Variants in GPRC5A observed in about 807,000 individuals in gnomAD.
GPRC5A encodes G protein-coupled receptor class C group 5 member A, also known as retinoic acid-induced protein 3.
In GPRC5A, 19 loss-of-function variants were observed where a neutral mutation model predicts 22.5. That is an observed-to-expected ratio of 0.85 (90% confidence interval 0.59 to 1.24). The LOEUF (loss-of-function observed/expected upper bound fraction) is 1.24, where lower values mean the gene tolerates loss of function less well. Among genes scored for constraint, GPRC5A ranks in the 50% most tolerant of loss-of-function variants. GPRC5A has a pLI of 0.00. For synonymous variants in GPRC5A, 192 were observed against 184.5 expected (o/e 1.04, Z -0.33); for missense variants, 471 against 451.1 (o/e 1.04, Z -0.40).
At chr12:12,906,255 G>A (rs1262676529) in intron 1 of GPRC5A, among the ~76,000 whole-genome samples, 4 of 152,272 alleles carry the variant, frequency 2.6e-5, no homozygotes, top group Non-Finnish European at 5.9e-5. Context: ...AGTAAGTAAT[G>A]TATATATAGA....
rs760338851 is a variant in GPRC5A at position 12,915,937 on chromosome 12, T to C, written c.*3398T>C. The stretch of plus-strand genomic sequence containing the variant: ...TTGCTGCTCATTTGAGCAGTACCTG[T>C]CACCCCTCCTCCCACTGCTGCGGCT... On this transcript the variant is annotated 3_prime_UTR_variant, in exon 4 of 4. Coordinates refer to ENST00000014914, the MANE Select transcript of GPRC5A (RefSeq NM_003979.4). The C allele has an allele frequency of 8.0e-6, 4 of 499,290 alleles. No homozygotes were observed. In the Admixed American group the frequency reaches 8.3e-5, roughly 10 times the overall value. The allele number at this position is 499,290 out of a possible 1,614,324, so 30.9% of individuals were successfully genotyped here. A position where few individuals can be genotyped will look rare whatever the true frequency, so the allele number is the denominator to read the frequency against.
intron 1 of GPRC5A, among the ~76,000 whole-genome samples, chr12:12,902,819 G>A (rs1863903174): frequency 6.6e-6 from 1 of 152,148 alleles, no homozygotes; most frequent in Non-Finnish European, 1.5e-5. Context: ...TGTAATCCCA[G>A]CACTTTGGGA....
chr12:12,894,980 G>A lies in GPRC5A; in HGVS notation c.-8+3316G>A, dbSNP rs945147748. On this transcript the variant is annotated intron_variant, in intron 1 of 3. Coordinates refer to ENST00000014914, the MANE Select transcript of GPRC5A (RefSeq NM_003979.4). ...TTTTTAGCAGAGACAGGGTTTCACC[G>A]TGTTAGCCAGGATGGTCTTGATCTC... Among the ~76,000 whole-genome samples the A allele has an allele frequency of 1.5e-4, 23 of 151,800 alleles. No individual in the cohort carries two copies. The East Asian group carries it at 1.9e-3, about 13-fold the overall frequency.
rs753967000 is a variant in GPRC5A, at chr12:12,912,150, A to G, written c.981+8A>G. The G allele has an allele frequency of 7.5e-6, 12 of 1,596,862 alleles. No individual in the cohort carries two copies. Among genetic ancestry groups the G allele is most frequent in the Non-Finnish European group, 1.0e-5 (12 of 1,164,404 alleles). ...ACACATTTTCAGCTGCAGGTAAGTG[A>G]TTTTTTTCTCCCTCTTCATCAAAGG... On this transcript the variant is annotated splice_region_variant and intron_variant, in intron 3 of 3. Coordinates refer to ENST00000014914, the MANE Select transcript of GPRC5A (RefSeq NM_003979.4).
intron 1 of GPRC5A, among the ~76,000 whole-genome samples, chr12:12,896,188 G>A (rs985898249): frequency 2.6e-5 from 4 of 151,942 alleles, no homozygotes; most frequent in Admixed American, 1.3e-4. Context: ...TACATGTTTC[G>A]TTTAGAGTAA....
In GPRC5A at chr12:12,908,561, C is replaced by T. The variant is rs746671084; in HGVS notation, c.312C>T (p.Leu104=). The change falls in exon 2 of 4, where the codon CTC becomes CTT. Residue 104 remains leucine (L), a synonymous_variant. Transcript: ENST00000014914. ...GPTRFFLFGI[L]FSICFSCLLA... is the part of the protein sequence containing the mutation. Reference sequence around the variant, plus strand: ...CACGCTTCTTCCTCTTTGGGATCCTCTTTTCCATCTGCTTCTCCTGCCTGC... The same window carrying T: ...CACGCTTCTTCCTCTTTGGGATCCTTTTTTCCATCTGCTTCTCCTGCCTGC... 4.3e-6 allele frequency: 7 copies of T among 1,614,174 alleles called. No homozygotes were observed. The South Asian group carries it at 6.6e-5, about 15-fold the overall frequency.
rs1426424434 is a variant in GPRC5A, at chr12:12,908,676, C to T, written c.427C>T (p.Leu143=). ...TCTGGGTCTGGCCGTGGGCTTCAGCCTAGTCCAGGATGTTATCGCTATTGA... is the reference window on the plus strand; with the variant it reads ...TCTGGGTCTGGCCGTGGGCTTCAGCTTAGTCCAGGATGTTATCGCTATTGA... ...VILGLAVGFS[L]VQDVIAIEYI... is the part of the protein sequence containing the mutation. Residue 143 remains leucine, a synonymous_variant, in exon 2 of 4, where the codon CTA becomes TTA. Coordinates refer to ENST00000014914, the MANE Select transcript of GPRC5A (RefSeq NM_003979.4). The T allele has an allele frequency of 6.2e-7, 1 of 1,613,980 alleles. No individual in the cohort carries two copies.
At chr12:12,895,013 C>T (rs926121934) in intron 1 of GPRC5A, among the ~76,000 whole-genome samples, 19 of 151,542 alleles carry the variant, frequency 1.3e-4, no homozygotes, top group African/African-American at 3.9e-4. Context: ...CTCCTGACCT[C>T]GTGATCTGCC....
In GPRC5A at chr12:12,912,634, T is replaced by C; in HGVS notation, c.*95T>C. 1.3e-6 allele frequency: 1 copy of C among 762,386 alleles called. No individual in the cohort carries two copies. Among genetic ancestry groups the C allele is most frequent in the South Asian group, 1.4e-5 (1 of 69,056 alleles). 47.2% of individuals were successfully genotyped at this position (762,386 alleles called of 1,614,324 possible). Reference sequence around the variant, plus strand: ...GAAATCTTGAGTCTTCTGAGAAAACTGTACAAGACACTACGGGAACAGTTT... The same window carrying C: ...GAAATCTTGAGTCTTCTGAGAAAACCGTACAAGACACTACGGGAACAGTTT... On this transcript the variant is annotated 3_prime_UTR_variant, in exon 4 of 4. Coordinates refer to ENST00000014914, the MANE Select transcript of GPRC5A (RefSeq NM_003979.4).
In GPRC5A at chr12:12,912,156, TTCTC is replaced by T; in HGVS notation, c.981+15_981+18del. On this transcript the variant is annotated intron_variant, in intron 3 of 3. Coordinates refer to ENST00000014914, the MANE Select transcript of GPRC5A (RefSeq NM_003979.4). ...TTTCAGCTGCAGGTAAGTGATTTTT[TTCTC>T]CCTCTTCATCAAAGGCATTAGCACC... 1 of 1,580,820 alleles carries T rather than the reference TTCTC, an allele frequency of 6.3e-7. No individual in the cohort carries two copies. The highest frequency in any genetic ancestry group is 8.7e-7 in the Non-Finnish European group (1 of 1,149,678).
intron 1 of GPRC5A, among the ~76,000 whole-genome samples, chr12:12,901,457 C>T (rs1187601637): frequency 6.6e-6 from 1 of 152,134 alleles, no homozygotes; most frequent in Non-Finnish European, 1.5e-5. Context: ...AAACCAGGCA[C>T]AGCCCATCCT....
rs1864043538 is a variant in GPRC5A at position 12,914,614 on chromosome 12, C to CTCTCTCTT, written c.*2078_*2079insCTCTTTCT. 1.7e-5 allele frequency: 2 copies of CTCTCTCTT among 116,368 alleles called. No homozygotes were observed. Among genetic ancestry groups the CTCTCTCTT allele is most frequent in the African/African-American group, 6.6e-5 (2 of 30,528 alleles). 7.2% of individuals were successfully genotyped at this position (116,368 alleles called of 1,614,324 possible). A position where few individuals can be genotyped will look rare whatever the true frequency, so the allele number is the denominator to read the frequency against. On this transcript the variant is annotated 3_prime_UTR_variant, in exon 4 of 4. Coordinates refer to ENST00000014914, the MANE Select transcript of GPRC5A (RefSeq NM_003979.4). ...TTTCTTTCTCTCTCTCTCTCTCTCT[C>CTCTCTCTT]TCTTTCTTTCTTTCTTTTTGAGATA...
rs1279934880 is a variant in GPRC5A, at chr12:12,915,957, G to T, written c.*3418G>T. 1 of 477,040 alleles carries T rather than the reference G, an allele frequency of 2.1e-6. No homozygotes were observed. Among genetic ancestry groups the T allele is most frequent in the Non-Finnish European group, 4.4e-6 (1 of 227,824 alleles). The allele number at this position is 477,040 out of a possible 1,614,324, so 29.6% of individuals were successfully genotyped here. ...ACCTGTCACCCCTCCTCCCACTGCT[G>T]CGGCTGTTAACTCATCTTCAGGTCT... On this transcript the variant is annotated 3_prime_UTR_variant, in exon 4 of 4. Coordinates refer to ENST00000014914, the MANE Select transcript of GPRC5A (RefSeq NM_003979.4).
At position 12,908,589 on chromosome 12, in the gene GPRC5A, G is replaced by A. The variant is rs1468920666; in HGVS notation, c.340G>A (p.Ala114Thr). Residue 114 changes from alanine (A) to threonine (T), a missense_variant, in exon 2 of 4, where the codon GCT (alanine) becomes ACT (threonine). Coordinates refer to ENST00000014914, the MANE Select transcript of GPRC5A (RefSeq NM_003979.4). ...LFSICFSCLL[A>T]HAVSLTKLVR... ...TTCCATCTGCTTCTCCTGCCTGCTG[G>A]CTCATGCTGTCAGTCTGACCAAGCT... The A allele has an allele frequency of 2.3e-5, 37 of 1,613,988 alleles. No individual in the cohort carries two copies. The highest frequency in any genetic ancestry group is 2.8e-5 in the Non-Finnish European group (33 of 1,180,002).
rs949736183 is a variant in GPRC5A, at chr12:12,912,029, G to C, written c.923-55G>C. 2.4e-5 allele frequency: 24 copies of C among 1,007,348 alleles called. No individual in the cohort carries two copies. In the Admixed American group the frequency reaches 2.9e-4, roughly 12 times the overall value. The allele number at this position is 1,007,348 out of a possible 1,614,324, so 62.4% of individuals were successfully genotyped here. On this transcript the variant is annotated intron_variant, in intron 2 of 3. Coordinates refer to ENST00000014914, the MANE Select transcript of GPRC5A (RefSeq NM_003979.4). ...CACACTGTGATAAGTGATACAATGG[G>C]GTGAACATAGGTGGGGGCCCCAGTG...
intron 1 of GPRC5A, among the ~76,000 whole-genome samples, chr12:12,907,559 C>A (rs1370049778): frequency 6.6e-6 from 1 of 152,102 alleles, no homozygotes; most frequent in Non-Finnish European, 1.5e-5. Context: ...TAGATAGTTC[C>A]ATGTTCACTA....
rs1864041395 is a variant in GPRC5A, at chr12:12,914,585, T to TTTCC, written c.*2049_*2050insCTTC. ...CTTTCTTTCTTTCTTTCTTTCTTTC[T>TTTCC]TTCTTTCTTTCTCTCTCTCTCTCTC... On this transcript the variant is annotated 3_prime_UTR_variant, in exon 4 of 4. Transcript: ENST00000014914. 5 of 96,584 alleles carry TTTCC rather than the reference T, an allele frequency of 5.2e-5. No individual in the cohort carries two copies. Among genetic ancestry groups the TTTCC allele is most frequent in the African/African-American group, 3.0e-4 (5 of 16,608 alleles). The allele number at this position is 96,584 out of a possible 1,614,324, so 6.0% of individuals were successfully genotyped here.
At chr12:12,908,221 C>T in intron 1 of GPRC5A, 22 bp from the exon 2 acceptor site, 1 of 1,477,860 alleles carries the variant, frequency 6.8e-7, no homozygotes, top group Non-Finnish European at 9.2e-7. Context: ...CTTCTCCCCA[C>T]TCCAACATTC....
At position 12,912,898 on chromosome 12, in the gene GPRC5A, T is replaced by C; in HGVS notation, c.*359T>C. ...GTGCAGTGGTGCGATCACAGCCCAG[T>C]GCAGCCTCGACCACCTGTGCTCAAG... On this transcript the variant is annotated 3_prime_UTR_variant, in exon 4 of 4. Coordinates refer to ENST00000014914, the MANE Select transcript of GPRC5A (RefSeq NM_003979.4). 1 of 199,674 alleles carries C rather than the reference T, an allele frequency of 5.0e-6. No homozygotes were observed. Among genetic ancestry groups the C allele is most frequent in the Non-Finnish European group, 1.0e-5 (1 of 99,036 alleles). The allele number at this position is 199,674 out of a possible 1,614,324, so 12.4% of individuals were successfully genotyped here. A position where few individuals can be genotyped will look rare whatever the true frequency, so the allele number is the denominator to read the frequency against.
Sources: gnomAD v4.1 joint callset for allele counts (sites outside exome capture counted in the v4.1 genomes callset) on GRCh38, gnomAD v4.1.1 for gene constraint, MANE v1.5 for transcripts, NCBI Gene and HGNC (gene_info 2026-07-23, HGNC 2026-07-21) for gene names.